The following NAALADL2 variants were observed in gnomAD, a reference collection of about 807,000 sequenced individuals.
NAALADL2 encodes inactive N-acetylated-alpha-linked acidic dipeptidase-like protein 2.
Under a neutral mutation model 87.2 loss-of-function variants are expected in NAALADL2, and 76 were observed. The observed-to-expected ratio is 0.87, with a 90% CI of 0.72 to 1.05. NAALADL2 has a LOEUF of 1.05. NAALADL2 is among the 50% of genes least tolerant of loss of function. The pLI is 0.00. For missense variants in NAALADL2, 1,089 were observed against 945.8 expected (o/e 1.15, Z -1.99); for synonymous variants, 354 against 331.0 (o/e 1.07, Z -0.75).
chr3:174,592,176 A>G (rs1460567106), intron 2 of NAALADL2, among the ~76,000 whole-genome samples: 4 of 152,142 alleles, frequency 2.6e-5, no homozygotes, highest in African/African-American at 9.6e-5. Context: ...ATACAGGCTG[A>G]TGGAACTATA....
At chr3:175,695,005 T>A (rs1737552479) in intron 11 of NAALADL2, among the ~76,000 whole-genome samples, 1 of 152,034 alleles carries the variant, frequency 6.6e-6, no homozygotes, top group South Asian at 2.1e-4. Context: ...CTGTTAGACT[T>A]TCTGTGCCTT....
chr3:175,269,289 AT>A (rs2109990549), intron 4 of NAALADL2, among the ~76,000 whole-genome samples: 1 of 152,308 alleles, frequency 6.6e-6, no homozygotes, highest in Non-Finnish European at 1.5e-5. Flanking sequence ...AATAGCAAAA[AT>A]ATACATAGTA....
Position 175,117,397 on chromosome 3 carries a change from A to T in NAALADL2, c.545+20106A>T, listed in dbSNP as rs545858565. Among the ~76,000 whole-genome samples, 9 of 152,286 alleles carry T rather than the reference A, an allele frequency of 5.9e-5. No homozygotes were observed. The South Asian group carries it at 1.9e-3, about 32-fold the overall frequency. On this transcript the variant is annotated intron_variant, in intron 2 of 13. Transcript: ENST00000454872. ...GGACTAATATCCAGAATCTAGAAAGAATTTAAACAAATTTACCAGAAAAAA... is the reference window on the plus strand; with the variant it reads ...GGACTAATATCCAGAATCTAGAAAGTATTTAAACAAATTTACCAGAAAAAA...
rs759718894 is a variant in NAALADL2, at chr3:175,256,574, C to T, written c.939+44C>T. ...ATTCAGTGGTTTGGTCAATATTTTG[C>T]CTTGTTTTGTTGGAATTATATGCTT... On this transcript the variant is annotated intron_variant, in intron 4 of 13. Coordinates refer to ENST00000454872, the MANE Select transcript of NAALADL2 (RefSeq NM_207015.3). 8 of 1,585,730 alleles carry T rather than the reference C, an allele frequency of 5.0e-6. No homozygotes were observed. In the East Asian group the frequency reaches 1.6e-4, roughly 31 times the overall value.
intron 1 of NAALADL2, among the ~76,000 whole-genome samples, chr3:174,910,772 C>T (rs1427100517): frequency 6.6e-6 from 1 of 152,068 alleles, no homozygotes. Context: ...TGACCCTCCT[C>T]TTCCCTTGTT....
chr3:175,069,418 C>T lies in NAALADL2; in HGVS notation c.44-27372C>T, dbSNP rs200511034. The stretch of plus-strand genomic sequence containing the variant: ...CAAAACACACATGAAAAAATGCTCA[C>T]CATCACTGGCCATCAGAGAAATGCA... On this transcript the variant is annotated intron_variant, in intron 1 of 13. Coordinates refer to ENST00000454872, the MANE Select transcript of NAALADL2 (RefSeq NM_207015.3). 4.3e-3 allele frequency among the ~76,000 whole-genome samples: 647 copies of T among 149,768 alleles called. 13 individuals are homozygous for T. The highest frequency in any genetic ancestry group is 0.023 in the Admixed American group (352 of 15,088).
At chr3:175,756,900 A>C (rs1274050911) in intron 13 of NAALADL2, among the ~76,000 whole-genome samples, 3 of 151,694 alleles carry the variant, frequency 2.0e-5, no homozygotes, top group Non-Finnish European at 4.4e-5. Flanking sequence ...TTTTCTGTTT[A>C]ATATATACAT....
intron 1 of NAALADL2, among the ~76,000 whole-genome samples, chr3:174,998,397 C>T (rs1747812397): frequency 6.6e-6 from 1 of 152,088 alleles, no homozygotes; most frequent in African/African-American, 2.4e-5. Flanking sequence ...GCCTTTTGGG[C>T]CAAACACTTC....
At chr3:175,014,245 G>A (rs1750531138) in intron 1 of NAALADL2, among the ~76,000 whole-genome samples, 1 of 151,996 alleles carries the variant, frequency 6.6e-6, no homozygotes, top group Admixed American at 6.6e-5. Context: ...TGCCAGTGAT[G>A]CGTTCTGTTA....
At chr3:174,656,856 C>T (rs531981185) in intron 2 of NAALADL2, among the ~76,000 whole-genome samples, 50 of 151,956 alleles carry the variant, frequency 3.3e-4, no homozygotes, top group Non-Finnish European at 5.3e-4. Context: ...TAAATAAGGC[C>T]GGTCTGTTTC....
At chr3:175,345,197 T>C (rs1560401190) in intron 5 of NAALADL2, among the ~76,000 whole-genome samples, 1 of 48,606 alleles carries the variant, frequency 2.1e-5, no homozygotes, top group African/African-American at 9.1e-5. Context: ...ATTTTGAAAA[T>C]AAATAAAAAT....
intron 11 of NAALADL2, among the ~76,000 whole-genome samples, chr3:175,674,620 C>T (rs1222801543): frequency 6.6e-6 from 1 of 152,058 alleles, no homozygotes; most frequent in Non-Finnish European, 1.5e-5. Flanking sequence ...TTTACTACCA[C>T]ATTTTCATTT....
intron 2 of NAALADL2, among the ~76,000 whole-genome samples, chr3:175,210,324 G>A (rs1022198056): frequency 2.6e-5 from 4 of 151,702 alleles, no homozygotes; most frequent in South Asian, 2.1e-4. Context: ...ATTAAAAAAA[G>A]AAACATTCCA....
At chr3:175,022,371 T>C (rs1213667802) in intron 1 of NAALADL2, among the ~76,000 whole-genome samples, 1 of 152,034 alleles carries the variant, frequency 6.6e-6, no homozygotes. Context: ...AGGACTCTAA[T>C]TGTCTGCTTG....
chr3:175,051,910 G>T (rs557670205), intron 1 of NAALADL2, among the ~76,000 whole-genome samples: 2 of 152,294 alleles, frequency 1.3e-5, no homozygotes, highest in Admixed American at 1.3e-4. Flanking sequence ...CATTTGCCGA[G>T]ACCAGCTCGG....
chr3:175,149,331 T>G (rs1319279337), intron 2 of NAALADL2, among the ~76,000 whole-genome samples: 1 of 152,210 alleles, frequency 6.6e-6, no homozygotes, highest in Non-Finnish European at 1.5e-5. Flanking sequence ...AATGAAACTA[T>G]GATCAATTCA....
intron 11 of NAALADL2, among the ~76,000 whole-genome samples, chr3:175,688,185 G>A (rs553400513): frequency 1.1e-4 from 16 of 152,072 alleles, no homozygotes; most frequent in Admixed American, 2.6e-4. Flanking sequence ...CAATGACTCC[G>A]CAGGTTAGGT....
chr3:175,275,140 G>C (rs1278633040), intron 4 of NAALADL2, among the ~76,000 whole-genome samples: 1 of 152,174 alleles, frequency 6.6e-6, no homozygotes, highest in Non-Finnish European at 1.5e-5. Context: ...CTAGTATCAT[G>C]AGATAGCCAG....
At chr3:174,793,642 TAACAA>T (rs2109213496) in intron 3 of NAALADL2, among the ~76,000 whole-genome samples, 1 of 152,180 alleles carries the variant, frequency 6.6e-6, no homozygotes, top group South Asian at 2.1e-4. Context: ...TTCCCCTCAA[TAACAA>T]AACAAAACAG....
Sources: allele counts gnomAD v4.1 joint callset (sites outside exome capture counted in the v4.1 genomes callset), GRCh38; gene constraint gnomAD v4.1.1; transcripts MANE v1.5; gene names NCBI Gene and HGNC (gene_info 2026-07-23, HGNC 2026-07-21).